The following ZNF423 variants were observed in gnomAD, a reference collection of about 807,000 sequenced individuals.
ZNF423 encodes the protein Ebf-associated zinc finger protein.
Under a neutral mutation model 95.8 loss-of-function variants are expected in ZNF423, and 12 were observed. The ratio of observed to expected loss-of-function variants is 0.13; its 90% CI spans 0.08 to 0.20. The LOEUF is 0.20. Among genes scored for constraint, ZNF423 ranks in the 10% least tolerant of loss-of-function variants. ZNF423 has a pLI of 1.00. For synonymous variants in ZNF423, 749 were observed against 711.9 expected (o/e 1.05, Z -0.83); for missense variants, 1,316 against 1,737.1 (o/e 0.76, Z 4.31).
chr16:49,854,609 C>G, intron 1 of ZNF423: 2 of 985,414 alleles, frequency 2.0e-6, no homozygotes, highest in South Asian at 9.4e-5. Context: ...TCGATCATCT[C>G]CCATCTCACA....
At chr16:49,668,788 G>A (rs1053381828) in intron 3 of ZNF423, among the ~76,000 whole-genome samples, 3 of 152,228 alleles carry the variant, frequency 2.0e-5, no homozygotes, top group African/African-American at 7.2e-5. Context: ...GGGGTGGGCA[G>A]GGAGGTAAGC....
chr16:49,610,301 T>C (rs1012150897), intron 5 of ZNF423, among the ~76,000 whole-genome samples: 12 of 152,158 alleles, frequency 7.9e-5, no homozygotes, highest in Non-Finnish European at 1.6e-4. Flanking sequence ...CTTCTTGAGT[T>C]TTCTAAATTA....
In ZNF423 at chr16:49,791,906, G is replaced by C. The variant is rs9927652; in HGVS notation, c.41-2360C>G. ...AGTCTCAGCTACTCGGGAGGCTAAGGCAAGAGAATTGCCTGAACCTGGGAG... is the reference window on the plus strand; with the variant it reads ...AGTCTCAGCTACTCGGGAGGCTAAGCCAAGAGAATTGCCTGAACCTGGGAG... On this transcript the variant is annotated intron_variant, in intron 1 of 7. Transcript: ENST00000563137. Among the ~76,000 whole-genome samples the C allele has an allele frequency of 2.0e-3, 308 of 150,796 alleles. 1 individual carries two copies. The highest frequency in any genetic ancestry group is 7.3e-3 in the African/African-American group (300 of 41,012).
Position 49,545,920 on chromosome 16 carries a change from G to A in ZNF423, c.3602-20426C>T, listed in dbSNP as rs373597994. Among the ~76,000 whole-genome samples, 20 of 152,268 alleles carry A rather than the reference G, an allele frequency of 1.3e-4. No homozygotes were observed. The East Asian group carries it at 1.9e-3, about 15-fold the overall frequency. ...TCCTCACTTTACAGTAAGTGACAGC[G>A]CCCAGGCCTTTCAACCACAGAGCTG... On this transcript the variant is annotated intron_variant, in intron 5 of 7. Transcript: ENST00000563137.
At chr16:49,666,113 G>C (rs1057086089) in intron 3 of ZNF423, among the ~76,000 whole-genome samples, 1 of 152,206 alleles carries the variant, frequency 6.6e-6, no homozygotes, top group Non-Finnish European at 1.5e-5. Context: ...TGGGGAGACG[G>C]AATGCGGCCC....
chr16:49,531,385 G>T (rs531542227), intron 5 of ZNF423, among the ~76,000 whole-genome samples: 18 of 151,906 alleles, frequency 1.2e-4, no homozygotes, highest in Non-Finnish European at 2.4e-4. Flanking sequence ...GGGAGCAAAG[G>T]CCCCAGCACT....
intron 3 of ZNF423, among the ~76,000 whole-genome samples, chr16:49,701,655 A>G (rs1226531237): frequency 1.3e-5 from 2 of 152,190 alleles, no homozygotes; most frequent in Admixed American, 6.5e-5. Flanking sequence ...TTTTTAAACA[A>G]TACCTCTTCG....
At chr16:49,659,767 G>C (rs1463773904) in intron 3 of ZNF423, among the ~76,000 whole-genome samples, 7 of 152,222 alleles carry the variant, frequency 4.6e-5, no homozygotes, top group African/African-American at 1.7e-4. Context: ...CTCATAGAGG[G>C]GTCTGGGAAG....
At position 49,547,517 on chromosome 16, in the gene ZNF423, G is replaced by T. The variant is rs991898305; in HGVS notation, c.3602-22023C>A. Among the ~76,000 whole-genome samples, 3 of 152,222 alleles carry T rather than the reference G, an allele frequency of 2.0e-5. No homozygotes were observed. In the East Asian group the frequency reaches 5.8e-4, roughly 29 times the overall value. On this transcript the variant is annotated intron_variant, in intron 5 of 7. Coordinates refer to ENST00000563137, the MANE Select transcript of ZNF423 (RefSeq NM_001379286.1). ...ATGGTAACAAAGGTTCTCAGAGGATGTTTGCATTCATCAAGGCCCAGGAAT... is the reference window on the plus strand; with the variant it reads ...ATGGTAACAAAGGTTCTCAGAGGATTTTTGCATTCATCAAGGCCCAGGAAT...
intron 7 of ZNF423, among the ~76,000 whole-genome samples, chr16:49,499,563 C>A (rs1967304369): frequency 6.6e-6 from 1 of 152,192 alleles, no homozygotes; most frequent in South Asian, 2.1e-4. Flanking sequence ...GACCCAGACT[C>A]CTTTTATTGA....
chr16:49,592,788 C>G (rs1404945912), intron 5 of ZNF423, among the ~76,000 whole-genome samples: 1 of 152,230 alleles, frequency 6.6e-6, no homozygotes. Flanking sequence ...TGAGGGCTAT[C>G]CCCTCGCCTC....
chr16:49,718,508 T>C (rs559677506), intron 3 of ZNF423, among the ~76,000 whole-genome samples: 7 of 152,318 alleles, frequency 4.6e-5, no homozygotes, highest in African/African-American at 1.4e-4. Flanking sequence ...TTCCTTTGAG[T>C]GCCTGGAATT....
intron 1 of ZNF423, among the ~76,000 whole-genome samples, chr16:49,852,072 C>G (rs1041053560): frequency 2.6e-5 from 4 of 152,150 alleles, no homozygotes; most frequent in African/African-American, 9.7e-5. Flanking sequence ...CCTCAGAACG[C>G]CTCTATTTAT....
rs759162963 is a variant in ZNF423 at position 49,491,296 on chromosome 16, C to A, written c.3858G>T (p.Thr1286=). The A allele has an allele frequency of 6.2e-7, 1 of 1,614,024 alleles. No individual in the cohort carries two copies. Among genetic ancestry groups the A allele is most frequent in the Non-Finnish European group, 8.5e-7 (1 of 1,180,040 alleles). The change falls in exon 8 of 8, where the codon ACG becomes ACT. Residue 1286 remains threonine, a synonymous_variant. Transcript: ENST00000563137. ...FFFQTELQNH[T]MSQHAQ is the part of the protein sequence containing the mutation. ...TCCCTCACTGTGCGTGCTGGCTCAT[C>A]GTGTGGTTCTGCAAAGGCGAAGAAA... is the stretch of plus-strand genomic sequence containing the variant.
intron 2 of ZNF423, among the ~76,000 whole-genome samples, chr16:49,733,291 T>A (rs1347687106): frequency 1.3e-5 from 2 of 152,178 alleles, no homozygotes; most frequent in African/African-American, 4.8e-5. Context: ...ACCCTCCAGA[T>A]AATAAGTTAC....
chr16:49,525,801 C>T (rs1242293185), intron 5 of ZNF423, among the ~76,000 whole-genome samples: 1 of 152,200 alleles, frequency 6.6e-6, no homozygotes, highest in East Asian at 1.9e-4. Context: ...AAGACTGGGT[C>T]ACTGTGCAGA....
At chr16:49,503,162 T>C (rs1967493438) in intron 7 of ZNF423, among the ~76,000 whole-genome samples, 1 of 152,024 alleles carries the variant, frequency 6.6e-6, no homozygotes, top group African/African-American at 2.4e-5. Context: ...CTGTCTACCC[T>C]GTGCGGCTAA....
At chr16:49,736,679 T>C (rs572409165) in intron 2 of ZNF423, among the ~76,000 whole-genome samples, 6 of 152,268 alleles carry the variant, frequency 3.9e-5, no homozygotes, top group African/African-American at 1.4e-4. Context: ...CCTGTGGTCC[T>C]AGCTACTTGA....
chr16:49,600,298 C>T lies in ZNF423; in HGVS notation c.3601+25872G>A, dbSNP rs545598110. Among the ~76,000 whole-genome samples the T allele has an allele frequency of 5.5e-3, 839 of 151,506 alleles. 5 individuals carry two copies. Among genetic ancestry groups the T allele is most frequent in the Non-Finnish European group, 8.7e-3 (589 of 67,840 alleles). On this transcript the variant is annotated intron_variant, in intron 5 of 7. Transcript: ENST00000563137. ...TCGCGCCACAGCACTCCAGCCTGGG[C>T]GACAGAGCAAGACTCTGTCCCTAAA...
Sources: allele counts gnomAD v4.1 joint callset (sites outside exome capture counted in the v4.1 genomes callset), GRCh38; gene constraint gnomAD v4.1.1; transcripts MANE v1.5; gene names NCBI Gene and HGNC (gene_info 2026-07-23, HGNC 2026-07-21).